Variants in PTPRD observed in about 807,000 individuals in gnomAD.
The protein encoded by PTPRD is protein tyrosine phosphatase receptor type D.
A neutral mutation model predicts 214.5 loss-of-function variants in PTPRD; 34 were observed. That is an observed-to-expected ratio of 0.16 (90% CI 0.12 to 0.21). PTPRD has a LOEUF of 0.21. Ranked by LOEUF, PTPRD falls within the 10% of genes least tolerant of loss-of-function variation. PTPRD has a pLI of 1.00. For synonymous variants in PTPRD, 1,128 were observed against 845.7 expected, an observed-to-expected ratio of 1.33 and a Z score of -5.79; for missense variants, 2,545 against 2,398.7, an observed-to-expected ratio of 1.06 and a Z score of -1.27.
rs187330968 is a variant in PTPRD, at chr9:8,669,662, A to T, written c.65-32818T>A. Among the ~76,000 whole-genome samples the T allele has an allele frequency of 3.2e-3, 483 of 152,322 alleles. 6 individuals are homozygous for T. The highest frequency in any genetic ancestry group is 0.03 in the Admixed American group (453 of 15,304). On this transcript the variant is annotated intron_variant, in intron 12 of 45. Transcript: ENST00000381196. Reference sequence around the variant, plus strand: ...CAAAGAGAGACAAGGACCTTTTAGGATACAGTAAATTAGAAGAGTAAGAGT... The same window carrying T: ...CAAAGAGAGACAAGGACCTTTTAGGTTACAGTAAATTAGAAGAGTAAGAGT...
chr9:10,125,185 G>A (rs921105154), intron 3 of PTPRD, among the ~76,000 whole-genome samples: 1 of 151,962 alleles, frequency 6.6e-6, no homozygotes, highest in Non-Finnish European at 1.5e-5. Flanking sequence ...TGGGAGCTCT[G>A]TGCAAGACAA....
intron 11 of PTPRD, among the ~76,000 whole-genome samples, chr9:8,934,465 A>ATATATATATAAATT (rs1555547061): frequency 0.065 from 485 of 7,514 alleles, 63 homozygotes; most frequent in East Asian, 0.18. Context: ...ATATATATAA[A>ATATATATATAAATT]TATATATATA....
rs1391915097 is a variant in PTPRD, at chr9:8,319,939, G to A, written c.5562C>T (p.Phe1854=). Residue 1854 remains phenylalanine (F), a synonymous_variant, in exon 45 of 46, where the codon TTC becomes TTT. Coordinates refer to ENST00000381196, the MANE Select transcript of PTPRD (RefSeq NM_002839.4). ...TTTCCAAAACAATGCTTAGCGTTAT[G>A]AAGACTCCAGTTCTTCCAACGCCCG... ...CSAGVGRTGV[F]ITLSIVLERM... is the part of the protein sequence containing the mutation. 6.2e-7 allele frequency: 1 copy of A among 1,612,640 alleles called. No individual in the cohort carries two copies. Among genetic ancestry groups the A allele is most frequent in the East Asian group, 2.2e-5 (1 of 44,816 alleles).
chr9:8,317,924 A>G lies in PTPRD; in HGVS notation c.5689T>C (p.Tyr1897His), dbSNP rs2130460165. 2 of 1,612,088 alleles carry G rather than the reference A, an allele frequency of 1.2e-6. No homozygotes were observed. The highest frequency in any genetic ancestry group is 2.2e-5 in the East Asian group (1 of 44,820). ...VQTEDQYQFS[Y>H]RAALEYLGSF... ...CCCAGGTACTCTAGTGCGGCACGAT[A>G]GGAAAACTGATATTGATCCTGCAGG... is the stretch of plus-strand genomic sequence containing the variant. Residue 1897 changes from tyrosine (Y) to histidine (H), a missense_variant, in exon 46 of 46, where the codon TAT becomes CAT. By Grantham distance (83) the Tyr-to-His change is moderately conservative. Transcript: ENST00000381196.
intron 2 of PTPRD, among the ~76,000 whole-genome samples, chr9:10,479,893 C>A (rs554182533): frequency 2.0e-5 from 3 of 152,156 alleles, no homozygotes; most frequent in Admixed American, 2.0e-4. Context: ...AGTCTTCAAT[C>A]TGAAGGGGCT....
chr9:9,066,063 A>G (rs1158776135), intron 10 of PTPRD, among the ~76,000 whole-genome samples: 3 of 152,176 alleles, frequency 2.0e-5, no homozygotes, highest in African/African-American at 7.2e-5. Context: ...CATTGGAGGG[A>G]TTCAGTTTGT....
chr9:8,500,364 C>T (rs536703356), intron 24 of PTPRD, among the ~76,000 whole-genome samples: 54 of 149,694 alleles, frequency 3.6e-4, no homozygotes, highest in African/African-American at 1.2e-3. Context: ...ATATGTAAGA[C>T]AAAAAGGCAA....
intron 7 of PTPRD, among the ~76,000 whole-genome samples, chr9:9,718,362 T>G (rs2097870580): frequency 6.6e-6 from 1 of 152,032 alleles, no homozygotes; most frequent in Admixed American, 6.5e-5. Context: ...CCATCTAGAG[T>G]GGCCGCTGTG....
intron 2 of PTPRD, among the ~76,000 whole-genome samples, chr9:10,549,418 C>T (rs10809118): frequency 0.38 from 58,002 of 151,918 alleles, 12,491 homozygotes; most frequent in Non-Finnish European, 0.5. Flanking sequence ...AAAAAATTGT[C>T]TATCATTTAG....
chr9:9,282,745 G>A (rs182504079), intron 9 of PTPRD, among the ~76,000 whole-genome samples: 2 of 151,500 alleles, frequency 1.3e-5, no homozygotes, highest in South Asian at 2.1e-4. Flanking sequence ...ATAGCTGGAG[G>A]CTAAATGTTA....
rs191063608 is a variant in PTPRD at position 9,033,897 on chromosome 9, A to T, written c.-142-15162T>A. Among the ~76,000 whole-genome samples, 120 of 152,264 alleles carry T rather than the reference A, an allele frequency of 7.9e-4. 1 individual carries two copies. Among genetic ancestry groups the T allele is most frequent in the African/African-American group, 2.8e-3 (115 of 41,578 alleles). Reference sequence around the variant, plus strand: ...ACAATTCTCCCACCCGTAATAACCCATTGAAATCAAACAATAGGATTGATT... The same window carrying T: ...ACAATTCTCCCACCCGTAATAACCCTTTGAAATCAAACAATAGGATTGATT... On this transcript the variant is annotated intron_variant, in intron 10 of 45. Transcript: ENST00000381196.
At chr9:8,319,422 G>A (rs746411791) in intron 45 of PTPRD, among the ~76,000 whole-genome samples, 1 of 151,922 alleles carries the variant, frequency 6.6e-6, no homozygotes, top group Non-Finnish European at 1.5e-5. Context: ...ATATAGAAGA[G>A]CTGATACCTC....
intron 9 of PTPRD, among the ~76,000 whole-genome samples, chr9:9,228,264 G>C (rs145308363): frequency 6.6e-6 from 1 of 152,188 alleles, no homozygotes; most frequent in East Asian, 1.9e-4. Flanking sequence ...TAAATAGGAT[G>C]TGGTCAGCTT....
intron 7 of PTPRD, among the ~76,000 whole-genome samples, chr9:9,683,840 G>T (rs1353320495): frequency 6.6e-6 from 1 of 151,610 alleles, no homozygotes; most frequent in Non-Finnish European, 1.5e-5. Context: ...AATCAGAGTG[G>T]CATCTTTTTT....
chr9:9,553,121 T>G (rs1478166327), intron 8 of PTPRD, among the ~76,000 whole-genome samples: 4 of 152,074 alleles, frequency 2.6e-5, no homozygotes, highest in Non-Finnish European at 5.9e-5. Flanking sequence ...TCTGGGAAGA[T>G]AGTTTGTAAT....
At chr9:9,917,472 A>AT (rs34935272) in intron 5 of PTPRD, among the ~76,000 whole-genome samples, 1 of 143,940 alleles carries the variant, frequency 6.9e-6, no homozygotes, top group Non-Finnish European at 1.5e-5. Context: ...AAAAAAAAAA[A>AT]TCCAGGACCA....
intron 10 of PTPRD, among the ~76,000 whole-genome samples, chr9:9,139,183 A>G (rs565634854): frequency 1.3e-5 from 2 of 150,562 alleles, no homozygotes; most frequent in East Asian, 4.0e-4. Context: ...TCTGAACCCT[A>G]TATTTACTAT....
chr9:9,288,164 T>C (rs955276666), intron 9 of PTPRD, among the ~76,000 whole-genome samples: 3 of 151,856 alleles, frequency 2.0e-5, no homozygotes, highest in African/African-American at 4.8e-5. Context: ...AAAAGGAATG[T>C]TTTATAAAGA....
chr9:9,739,205 C>T (rs2098356789), intron 6 of PTPRD, among the ~76,000 whole-genome samples: 1 of 152,146 alleles, frequency 6.6e-6, no homozygotes, highest in African/African-American at 2.4e-5. Flanking sequence ...TTTACCAAGA[C>T]CACAAATACA....
Sources: allele counts gnomAD v4.1 joint callset (sites outside exome capture counted in the v4.1 genomes callset), GRCh38; gene constraint gnomAD v4.1.1; transcripts MANE v1.5; gene names NCBI Gene and HGNC (gene_info 2026-07-23, HGNC 2026-07-21).